The following TTBK2 variants were observed in gnomAD, a reference collection of about 807,000 sequenced individuals.
TTBK2 encodes tau-tubulin kinase 2.
A neutral mutation model predicts 110.8 loss-of-function variants in TTBK2; 28 were observed. That is an observed-to-expected ratio of 0.25 (90% CI 0.19 to 0.35). The LOEUF is 0.35. Ranked by LOEUF, TTBK2 falls within the 10% of genes least tolerant of loss-of-function variation. TTBK2 has a pLI of 1.00. For missense variants in TTBK2, 1,369 were observed against 1,500.3 expected (o/e 0.91, Z 1.45); for synonymous variants, 532 against 527.3 (o/e 1.01, Z -0.12).
chr15:42,879,228 T>C (rs770914593), intron 1 of TTBK2, among the ~76,000 whole-genome samples: 18 of 152,096 alleles, frequency 1.2e-4, no homozygotes, highest in South Asian at 4.2e-4. Flanking sequence ...AATGAAGATA[T>C]AGCAGAAAAA....
chr15:42,765,203 T>C (rs1889302752), intron 13 of TTBK2, among the ~76,000 whole-genome samples: 1 of 152,146 alleles, frequency 6.6e-6, no homozygotes, highest in South Asian at 2.1e-4. Flanking sequence ...CCAGAGCACC[T>C]CTTCCCCTCC....
chr15:42,795,789 G>C (rs1450037342), intron 9 of TTBK2, among the ~76,000 whole-genome samples: 1 of 141,872 alleles, frequency 7.0e-6, no homozygotes, highest in African/African-American at 2.7e-5. Flanking sequence ...GCTGCAGTGA[G>C]ACAAGATCGT....
chr15:42,847,246 C>A (rs1267709107), intron 3 of TTBK2, among the ~76,000 whole-genome samples: 1 of 152,104 alleles, frequency 6.6e-6, no homozygotes, highest in Non-Finnish European at 1.5e-5. Context: ...CTTTGAAGTA[C>A]CTGTAAAAGC....
At chr15:42,912,986 G>A (rs995194251) in intron 1 of TTBK2, among the ~76,000 whole-genome samples, 16 of 148,490 alleles carry the variant, frequency 1.1e-4, no homozygotes, top group East Asian at 6.2e-4. Flanking sequence ...TTAGCCGGGC[G>A]CGGTGGCGGG....
chr15:42,811,291 T>C (rs1343332313), intron 8 of TTBK2, among the ~76,000 whole-genome samples: 3 of 152,182 alleles, frequency 2.0e-5, no homozygotes, highest in Admixed American at 6.5e-5. Flanking sequence ...ATTGCACCCA[T>C]CTCAAAATAA....
At chr15:42,794,340 A>G (rs1890838602) in intron 10 of TTBK2, among the ~76,000 whole-genome samples, 1 of 152,164 alleles carries the variant, frequency 6.6e-6, no homozygotes, top group Non-Finnish European at 1.5e-5. Context: ...TCAGGGTTCC[A>G]TATGTTATTT....
chr15:42,800,603 A>G (rs537387438), intron 9 of TTBK2, among the ~76,000 whole-genome samples: 1 of 152,366 alleles, frequency 6.6e-6, no homozygotes, highest in Admixed American at 6.5e-5. Context: ...AAAGTACTTA[A>G]GCAGGAGAGC....
chr15:42,799,147 A>G (rs1216647924), intron 9 of TTBK2, among the ~76,000 whole-genome samples: 3 of 152,116 alleles, frequency 2.0e-5, no homozygotes, highest in Admixed American at 2.0e-4. Context: ...AGGCGAGCGG[A>G]TCACGAGGTC....
Position 42,827,787 on chromosome 15 carries a change from T to G in TTBK2, c.537+141A>C, listed in dbSNP as rs566718357. The G allele has an allele frequency of 7.0e-6, 5 of 717,372 alleles. No individual in the cohort carries two copies. The East Asian group carries it at 1.5e-4, about 21-fold the overall frequency. The allele number at this position is 717,372 out of a possible 1,614,324, so 44.4% of individuals were successfully genotyped here. ...TTTCAACAATAAAATTTATTGTCAT[T>G]CTATAATTTAATCATTAAATGTATA... On this transcript the variant is annotated intron_variant, in intron 6 of 14. Coordinates refer to ENST00000267890, the MANE Select transcript of TTBK2 (RefSeq NM_173500.4).
intron 3 of TTBK2, among the ~76,000 whole-genome samples, chr15:42,859,053 C>T (rs1425366517): frequency 1.3e-5 from 2 of 152,066 alleles, no homozygotes; most frequent in Non-Finnish European, 2.9e-5. Context: ...GTTAACTACA[C>T]CTAACCTGCT....
At chr15:42,842,494 GA>G (rs1316694479) in intron 3 of TTBK2, among the ~76,000 whole-genome samples, 1 of 152,100 alleles carries the variant, frequency 6.6e-6, no homozygotes, top group Non-Finnish European at 1.5e-5. Flanking sequence ...TGAAAGTAAG[GA>G]AGAGTAACAG....
chr15:42,764,153 T>C (rs548857736), intron 13 of TTBK2, among the ~76,000 whole-genome samples: 1 of 152,194 alleles, frequency 6.6e-6, no homozygotes, highest in Non-Finnish European at 1.5e-5. Context: ...GATGGCCGAA[T>C]AGGAACAGCT....
At chr15:42,852,116 C>T (rs1476928572) in intron 3 of TTBK2, among the ~76,000 whole-genome samples, 1 of 151,314 alleles carries the variant, frequency 6.6e-6, no homozygotes, top group Non-Finnish European at 1.5e-5. Context: ...GTCACCCAGG[C>T]GGGAGTGCAG....
intron 13 of TTBK2, among the ~76,000 whole-genome samples, chr15:42,767,895 G>A (rs961660177): frequency 5.3e-5 from 8 of 152,138 alleles, no homozygotes; most frequent in African/African-American, 9.7e-5. Flanking sequence ...CCAGCAGCAC[G>A]TCAAAAAGCT....
chr15:42,865,905 C>A (rs1405683964), intron 3 of TTBK2, among the ~76,000 whole-genome samples: 3 of 152,110 alleles, frequency 2.0e-5, no homozygotes, highest in Admixed American at 1.3e-4. Flanking sequence ...TCTACCTATA[C>A]AAACAATCAC....
At chr15:42,848,826 T>G (rs567134611) in intron 3 of TTBK2, among the ~76,000 whole-genome samples, 4 of 152,354 alleles carry the variant, frequency 2.6e-5, no homozygotes, top group African/African-American at 9.6e-5. Context: ...TTATACACTA[T>G]GTACTTCTTT....
chr15:42,878,479 C>G (rs1894905489), intron 2 of TTBK2, 70 bp downstream of exon 2: 2 of 1,575,480 alleles, frequency 1.3e-6, no homozygotes, highest in African/African-American at 2.9e-5. Flanking sequence ...CAAAAATTAC[C>G]CCCCGATATG....
At chr15:42,757,088 G>T (rs950996677) in intron 13 of TTBK2, among the ~76,000 whole-genome samples, 1 of 151,676 alleles carries the variant, frequency 6.6e-6, no homozygotes, top group East Asian at 1.9e-4. Flanking sequence ...TTTTAATCAG[G>T]TACTATTATC....
At chr15:42,799,365 G>T (rs1237659166) in intron 9 of TTBK2, among the ~76,000 whole-genome samples, 1 of 151,790 alleles carries the variant, frequency 6.6e-6, no homozygotes, top group African/African-American at 2.4e-5. Flanking sequence ...GTGAGACTCC[G>T]TCTCAAAAAA....
Sources: gnomAD v4.1 joint callset for allele counts (sites outside exome capture counted in the v4.1 genomes callset) on GRCh38, gnomAD v4.1.1 for gene constraint, MANE v1.5 for transcripts, NCBI Gene and HGNC (gene_info 2026-07-23, HGNC 2026-07-21) for gene names.